The following ADAM9 variants were observed in gnomAD, a reference collection of about 807,000 sequenced individuals.
ADAM9 encodes ADAM metallopeptidase domain 9.
Under a neutral mutation model 108.1 loss-of-function variants are expected in ADAM9, and 54 were observed. The observed-to-expected ratio is 0.50, with a 90% CI of 0.40 to 0.63. The LOEUF is 0.63. Among genes scored for constraint, ADAM9 ranks in the 20% least tolerant of loss-of-function variants. ADAM9 has a pLI of 0.00. For missense variants in ADAM9, 830 were observed against 997.7 expected (o/e 0.83, Z 2.26); for synonymous variants, 316 against 336.0 (o/e 0.94, Z 0.65).
At chr8:39,020,153 C>T (rs1047690715) in intron 7 of ADAM9, among the ~76,000 whole-genome samples, 6 of 152,184 alleles carry the variant, frequency 3.9e-5, no homozygotes, top group Non-Finnish European at 5.9e-5. Context: ...GGCGTGGTGG[C>T]GGGCGCCTGT....
intron 12 of ADAM9, among the ~76,000 whole-genome samples, chr8:39,045,570 G>GTATATA (rs146208883): frequency 3.8e-4 from 36 of 95,194 alleles, no homozygotes; most frequent in African/African-American, 9.4e-4. Context: ...GTGTGTGTGT[G>GTATATA]TATATATATA....
intron 11 of ADAM9, among the ~76,000 whole-genome samples, chr8:39,029,314 G>A (rs1340190925): frequency 1.3e-5 from 2 of 152,032 alleles, no homozygotes; most frequent in African/African-American, 2.4e-5. Context: ...ACATGAGGTA[G>A]AGGGACACTG....
chr8:39,087,157 C>A (rs891835588), intron 18 of ADAM9, among the ~76,000 whole-genome samples: 4 of 152,218 alleles, frequency 2.6e-5, no homozygotes, highest in African/African-American at 9.6e-5. Flanking sequence ...CTGAGGGAGA[C>A]CACTGGGTTT....
intron 1 of ADAM9, among the ~76,000 whole-genome samples, chr8:39,001,129 A>G (rs1835979331): frequency 6.6e-6 from 1 of 152,146 alleles, no homozygotes. Context: ...TCCTGTTGTG[A>G]AGATATCTTG....
At chr8:39,010,081 T>C (rs1213124284) in intron 2 of ADAM9, among the ~76,000 whole-genome samples, 4 of 150,670 alleles carry the variant, frequency 2.7e-5, no homozygotes, top group East Asian at 2.0e-4. Context: ...GGGGAGAGGA[T>C]TGCATTTTTC....
chr8:39,059,354 G>C (rs543688532), intron 14 of ADAM9, among the ~76,000 whole-genome samples: 1 of 152,320 alleles, frequency 6.6e-6, no homozygotes, highest in East Asian at 1.9e-4. Context: ...GACTAACCTA[G>C]GGAATGGTGT....
rs564980774 is a variant in ADAM9, at chr8:39,027,575, C to T, written c.1130+765C>T. 1.0e-3 allele frequency among the ~76,000 whole-genome samples: 158 copies of T among 152,264 alleles called. 1 individual carries two copies. The highest frequency in any genetic ancestry group is 3.0e-3 in the Admixed American group (46 of 15,298). ...AAGCCTGTGATCTGAGAACCCTTTCCTGTCCCAGAGCTAAAAAATAATTAT... is the reference window on the plus strand; with the variant it reads ...AAGCCTGTGATCTGAGAACCCTTTCTTGTCCCAGAGCTAAAAAATAATTAT... On this transcript the variant is annotated intron_variant, in intron 11 of 21. Coordinates refer to ENST00000487273, the MANE Select transcript of ADAM9 (RefSeq NM_003816.3).
At chr8:39,000,346 A>G (rs1425502877) in intron 1 of ADAM9, among the ~76,000 whole-genome samples, 1 of 152,200 alleles carries the variant, frequency 6.6e-6, no homozygotes, top group Non-Finnish European at 1.5e-5. Flanking sequence ...GTTGGGTAGC[A>G]CAATGTTGTT....
At chr8:39,057,586 A>T (rs992643597) in intron 14 of ADAM9, among the ~76,000 whole-genome samples, 6 of 152,074 alleles carry the variant, frequency 3.9e-5, no homozygotes, top group African/African-American at 1.4e-4. Flanking sequence ...TCCAGTTAGA[A>T]GTCTGGCAGG....
chr8:39,005,325 T>G (rs1186296403), intron 1 of ADAM9, among the ~76,000 whole-genome samples: 1 of 152,184 alleles, frequency 6.6e-6, no homozygotes, highest in South Asian at 2.1e-4. Context: ...TCTAGAAGAT[T>G]AGTAAGATTA....
At chr8:39,088,293 T>A (rs1186704090) in intron 18 of ADAM9, among the ~76,000 whole-genome samples, 1 of 150,870 alleles carries the variant, frequency 6.6e-6, no homozygotes, top group Non-Finnish European at 1.5e-5. Context: ...TGAGATGGAG[T>A]CTCGCTCTGT....
rs773392291 is a variant in ADAM9, at chr8:39,090,206, T to C, written c.2210+18T>C. 164 of 1,593,274 alleles carry C rather than the reference T, an allele frequency of 1.0e-4. No homozygotes were observed. Among genetic ancestry groups the C allele is most frequent in the Non-Finnish European group, 1.4e-4 (158 of 1,164,510 alleles). ...ACATATGAGTACTTAGATTTTTTTC[T>C]TTTAATTCCTATATTAAATATATAC... On this transcript the variant is annotated intron_variant, in intron 19 of 21. Transcript: ENST00000487273.
intron 9 of ADAM9, among the ~76,000 whole-genome samples, chr8:39,023,929 A>T (rs2129434113): frequency 6.6e-6 from 1 of 151,934 alleles, no homozygotes; most frequent in African/African-American, 2.4e-5. Flanking sequence ...GTAGTGTAGC[A>T]GAGATGGGGT....
chr8:39,037,441 A>AGT (rs748459761), intron 11 of ADAM9, among the ~76,000 whole-genome samples: 5,865 of 140,688 alleles, frequency 0.042, 158 homozygotes, highest in Non-Finnish European at 0.049. Flanking sequence ...TATATATTTA[A>AGT]GTGTGTGTGT....
intron 20 of ADAM9, among the ~76,000 whole-genome samples, chr8:39,092,619 A>C (rs2129443252): frequency 6.6e-6 from 1 of 151,820 alleles, no homozygotes; most frequent in East Asian, 1.9e-4. Context: ...TTTTTTGTAA[A>C]TTTAACAGTA....
At chr8:39,091,575 C>T (rs999968938) in intron 20 of ADAM9, among the ~76,000 whole-genome samples, 6 of 152,154 alleles carry the variant, frequency 3.9e-5, no homozygotes, top group Non-Finnish European at 8.8e-5. Flanking sequence ...GCAACCTCTG[C>T]CTCCCAGTTT....
chr8:39,035,515 T>A (rs576246628), intron 11 of ADAM9, among the ~76,000 whole-genome samples: 4 of 152,184 alleles, frequency 2.6e-5, no homozygotes, highest in Admixed American at 1.3e-4. Context: ...ATATTTAAAA[T>A]TTTTTTTAAG....
In ADAM9 at chr8:39,105,160, G is replaced by C. The variant is rs770984924; in HGVS notation, c.*1460G>C. The C allele has an allele frequency of 1.3e-4, 55 of 436,116 alleles. No individual in the cohort carries two copies. The highest frequency in any genetic ancestry group is 1.5e-4 in the Non-Finnish European group (33 of 220,930). 27.0% of individuals were successfully genotyped at this position (436,116 alleles called of 1,614,324 possible). ...TGCACAATGGCTTTTTGTTAATAAA[G>C]AACAGATTAGTTTTGAAGAAGGCAA... On this transcript the variant is annotated 3_prime_UTR_variant, in exon 22 of 22. Transcript: ENST00000487273.
intron 16 of ADAM9, among the ~76,000 whole-genome samples, chr8:39,079,594 A>AATTTT (rs1451422531): frequency 7.0e-6 from 1 of 142,200 alleles, no homozygotes. Context: ...AATATCATGA[A>AATTTT]TTTTTTTTTT....
Sources: gnomAD v4.1 joint callset for allele counts (sites outside exome capture counted in the v4.1 genomes callset) on GRCh38, gnomAD v4.1.1 for gene constraint, MANE v1.5 for transcripts, NCBI Gene and HGNC (gene_info 2026-07-23, HGNC 2026-07-21) for gene names.